The following NGEF variants were observed in gnomAD, a reference collection of about 807,000 sequenced individuals.
NGEF encodes the protein ephexin-1.
NGEF carries 31 observed loss-of-function variants against 80.9 expected under a neutral mutation model. That is an observed-to-expected ratio of 0.38 (90% confidence interval 0.29 to 0.52). The LOEUF is 0.52. NGEF is among the 20% of genes least tolerant of loss of function. NGEF has a pLI of 0.84. For missense variants in NGEF, 709 were observed against 926.2 expected, an observed-to-expected ratio of 0.77 and a Z score of 3.04; for synonymous variants, 371 against 370.2, an observed-to-expected ratio of 1.00 and a Z score of -0.03.
At chr2:233,009,871 C>A (rs1346592932) in intron 1 of NGEF, among the ~76,000 whole-genome samples, 1 of 152,010 alleles carries the variant, frequency 6.6e-6, no homozygotes, top group Admixed American at 6.6e-5. Flanking sequence ...TGGGCCATCC[C>A]CTCCACCTTC....
chr2:232,890,401 C>T (rs1691843325), intron 8 of NGEF, among the ~76,000 whole-genome samples: 1 of 152,188 alleles, frequency 6.6e-6, no homozygotes, highest in African/African-American at 2.4e-5. Flanking sequence ...TGGCTGCGTC[C>T]CTGAGTTTGG....
intron 1 of NGEF, among the ~76,000 whole-genome samples, chr2:232,995,858 T>C (rs960391697): frequency 1.0e-4 from 15 of 150,468 alleles, no homozygotes; most frequent in Admixed American, 7.3e-4. Context: ...ATATTGTATG[T>C]ATATACACAT....
intron 5 of NGEF, among the ~76,000 whole-genome samples, chr2:232,906,374 C>T (rs868285288): frequency 1.5e-5 from 2 of 134,064 alleles, no homozygotes; most frequent in Non-Finnish European, 3.2e-5. Context: ...CCCGGCCAGC[C>T]GCCCCGTCCG....
chr2:232,967,709 G>C lies in NGEF; in HGVS notation c.383+2505C>G, dbSNP rs1356707717. On this transcript the variant is annotated intron_variant, in intron 3 of 14. Transcript: ENST00000264051. ...AATTACATGCAAATAAAATAGGGGT[G>C]TGTGTGTGTGTGTGTGTGTGTGTGT... Among the ~76,000 whole-genome samples the C allele has an allele frequency of 5.0e-5, 4 of 80,346 alleles. No homozygotes were observed. In the East Asian group the frequency reaches 8.5e-4, roughly 17 times the overall value. The allele number at this position is 80,346 out of a possible 152,430, so 52.7% of individuals were successfully genotyped here.
intron 6 of NGEF, among the ~76,000 whole-genome samples, chr2:232,893,415 A>C (rs969066684): frequency 2.0e-5 from 3 of 152,240 alleles, no homozygotes; most frequent in Admixed American, 6.5e-5. Flanking sequence ...TGAGCAGCGC[A>C]CATGGACATC....
At chr2:232,993,804 A>C (rs997168606) in intron 1 of NGEF, among the ~76,000 whole-genome samples, 19 of 152,214 alleles carry the variant, frequency 1.2e-4, no homozygotes, top group African/African-American at 4.3e-4. Flanking sequence ...TAAGTGAAAG[A>C]AGCCAGTCAG....
At chr2:232,921,941 C>T (rs891475694) in intron 4 of NGEF, among the ~76,000 whole-genome samples, 2 of 152,104 alleles carry the variant, frequency 1.3e-5, no homozygotes, top group Non-Finnish European at 2.9e-5. Context: ...ACCAGTGGGA[C>T]GGCAGAGACC....
chr2:232,991,425 A>C (rs1459248432), intron 1 of NGEF, among the ~76,000 whole-genome samples: 1 of 152,086 alleles, frequency 6.6e-6, no homozygotes, highest in Non-Finnish European at 1.5e-5. Flanking sequence ...CAATATACAC[A>C]AATTAATTGT....
intron 3 of NGEF, among the ~76,000 whole-genome samples, chr2:232,944,357 C>T (rs1693505540): frequency 6.6e-6 from 1 of 152,156 alleles, no homozygotes; most frequent in Admixed American, 6.6e-5. Context: ...AAAAGATATG[C>T]ACAAGGTTAT....
intron 3 of NGEF, chr2:232,928,124 A>G (rs1199991662): frequency 4.0e-5 from 40 of 1,003,164 alleles, no homozygotes; most frequent in Non-Finnish European, 4.6e-5. Flanking sequence ...CCGGAGCTGC[A>G]GCCGCCGCCG....
chr2:232,993,214 G>GATTTATATAT (rs1694708086), intron 1 of NGEF, among the ~76,000 whole-genome samples: 9 of 32,010 alleles, frequency 2.8e-4, no homozygotes, highest in African/African-American at 1.6e-3. Context: ...ATATTTGCCC[G>GATTTATATAT]TATAGATACA....
chr2:232,967,094 C>T (rs376422555), intron 3 of NGEF, among the ~76,000 whole-genome samples: 6 of 152,050 alleles, frequency 3.9e-5, no homozygotes, highest in African/African-American at 1.2e-4. Flanking sequence ...ATCATAGGGG[C>T]GGATCCCTCA....
In NGEF at chr2:232,883,758, C is replaced by T. The variant is rs117487551; in HGVS notation, c.1601+223G>A. ...CTGGGCTGGGCCCTTCACAGCCCTA[C>T]GAGTAAAACCCCCACTTTACAGGAA... On this transcript the variant is annotated intron_variant, in intron 11 of 14. Transcript: ENST00000264051. Among the ~76,000 whole-genome samples, 275 of 152,266 alleles carry T rather than the reference C, an allele frequency of 1.8e-3. 6 individuals are homozygous for T. In the East Asian group the frequency reaches 0.039, roughly 21 times the overall value.
At chr2:232,958,256 C>T (rs11674126) in intron 3 of NGEF, among the ~76,000 whole-genome samples, 29,408 of 152,028 alleles carry the variant, frequency 0.19, 3,024 homozygotes, top group East Asian at 0.34. Context: ...AAAAGGCAGC[C>T]GGGCAGGAAA....
intron 5 of NGEF, chr2:232,901,215 G>T: frequency 4.0e-6 from 1 of 248,462 alleles, no homozygotes; most frequent in Non-Finnish European, 6.4e-6. Flanking sequence ...GCAGTTCACG[G>T]TCAAACATGG....
At chr2:232,905,067 TCCTCTCC>T (rs1212343137) in intron 5 of NGEF, among the ~76,000 whole-genome samples, 245 of 150,396 alleles carry the variant, frequency 1.6e-3, no homozygotes, top group African/African-American at 4.1e-3. Flanking sequence ...CTCTCCTCTC[TCCTCTCC>T]CCTCTCCCCT....
intron 5 of NGEF, among the ~76,000 whole-genome samples, chr2:232,918,709 A>T (rs1692867219): frequency 7.0e-6 from 1 of 141,850 alleles, no homozygotes; most frequent in African/African-American, 2.6e-5. Flanking sequence ...CTCTTGGCTC[A>T]CTGCAACCTC....
chr2:232,979,997 G>T (rs1694376904), intron 1 of NGEF, among the ~76,000 whole-genome samples: 1 of 152,252 alleles, frequency 6.6e-6, no homozygotes, highest in East Asian at 1.9e-4. Context: ...TCTGGCCAAG[G>T]TCGCATGGCT....
At chr2:232,978,026 G>T (rs1178836936) in intron 1 of NGEF, among the ~76,000 whole-genome samples, 1 of 152,104 alleles carries the variant, frequency 6.6e-6, no homozygotes, top group Admixed American at 6.5e-5. Flanking sequence ...GCGGTGTTGG[G>T]TTGAGGAATC....
Sources: gnomAD v4.1 joint callset for allele counts (sites outside exome capture counted in the v4.1 genomes callset) on GRCh38, gnomAD v4.1.1 for gene constraint, MANE v1.5 for transcripts, NCBI Gene and HGNC (gene_info 2026-07-23, HGNC 2026-07-21) for gene names.